Variants in WDFY3 observed in about 807,000 individuals in gnomAD.
WDFY3 encodes WD repeat and FYVE domain containing 3, also known as WD repeat and FYVE domain-containing protein 3.
In WDFY3, 66 loss-of-function variants were observed where a neutral mutation model predicts 409.6. The observed-to-expected ratio is 0.16, with a 90% confidence interval of 0.13 to 0.20. The LOEUF (loss-of-function observed/expected upper bound fraction) is 0.20, where lower values mean the gene tolerates loss of function less well. Ranked by LOEUF, WDFY3 falls within the 10% of genes least tolerant of loss-of-function variation. WDFY3 has a pLI of 1.00. For missense variants in WDFY3, 3,031 were observed against 4,298.1 expected (o/e 0.71, Z 8.24); for synonymous variants, 1,521 against 1,537.1 (o/e 0.99, Z 0.25).
intron 2 of WDFY3, among the ~76,000 whole-genome samples, chr4:84,906,513 T>TA (rs1303187692): frequency 2.6e-5 from 4 of 152,154 alleles, no homozygotes; most frequent in African/African-American, 7.2e-5. Context: ...AGCATATTCT[T>TA]AAAAAAATTT....
chr4:84,870,571 A>G (rs1762009133), intron 3 of WDFY3, among the ~76,000 whole-genome samples: 1 of 152,122 alleles, frequency 6.6e-6, no homozygotes, highest in South Asian at 2.1e-4. Context: ...CAAGCAGAGA[A>G]GGGGAAGAGT....
intron 41 of WDFY3, 50 bp downstream of exon 41, chr4:84,737,133 TA>T (rs1737580760): frequency 6.2e-7 from 1 of 1,602,768 alleles, no homozygotes; most frequent in Admixed American, 1.7e-5. Flanking sequence ...TATACCCATA[TA>T]TGATAGCCAC....
rs776521865 is a variant in WDFY3, at chr4:84,793,483, T to C, written c.3487+1036A>G. On this transcript the variant is annotated intron_variant, in intron 21 of 67. Transcript: ENST00000295888. ...ATAAAAAGACTTAAAGCAATACTAG[T>C]TCATTATTTTTTCCCATGAAGAGCT... 2.0e-5 allele frequency among the ~76,000 whole-genome samples: 3 copies of C among 152,226 alleles called. No homozygotes were observed. The East Asian group carries it at 5.8e-4, about 29-fold the overall frequency.
intron 40 of WDFY3, among the ~76,000 whole-genome samples, chr4:84,738,313 G>A (rs909685645): frequency 6.6e-6 from 1 of 151,892 alleles, no homozygotes; most frequent in African/African-American, 2.4e-5. Context: ...AAAAAAGAGA[G>A]GGGCTGGGCA....
intron 32 of WDFY3, among the ~76,000 whole-genome samples, chr4:84,759,354 G>A (rs1283486565): frequency 6.6e-6 from 1 of 152,174 alleles, no homozygotes; most frequent in Non-Finnish European, 1.5e-5. Context: ...GCCATTGGTA[G>A]CTTGATGGGG....
At chr4:84,681,688 C>T (rs1727375597) in intron 64 of WDFY3, among the ~76,000 whole-genome samples, 1 of 152,072 alleles carries the variant, frequency 6.6e-6, no homozygotes, top group African/African-American at 2.4e-5. Flanking sequence ...AACCTTGTTC[C>T]TTTCCAGGAA....
intron 10 of WDFY3, 93 bp from the exon 11 acceptor site, chr4:84,821,644 T>C (rs1172699933): frequency 9.4e-7 from 1 of 1,069,358 alleles, no homozygotes. Context: ...AATTATAACA[T>C]TTATCAATTA....
In WDFY3 at chr4:84,672,771, T is replaced by A; in HGVS notation, c.*97A>T. On this transcript the variant is annotated 3_prime_UTR_variant, in exon 68 of 68. Transcript: ENST00000295888. ...ACTTCAAACACGTGGTATGAAGAGA[T>A]GTGTAAACGGAGACTGTTTTCAATG... 1.3e-6 allele frequency: 2 copies of A among 1,501,196 alleles called. No individual in the cohort carries two copies. 93.0% of individuals were successfully genotyped at this position (1,501,196 alleles called of 1,614,324 possible). A position where few individuals can be genotyped will look rare whatever the true frequency, so the allele number is the denominator to read the frequency against.
intron 2 of WDFY3, among the ~76,000 whole-genome samples, chr4:84,906,914 T>C (rs929180361): frequency 4.6e-5 from 7 of 152,180 alleles, no homozygotes; most frequent in Admixed American, 1.3e-4. Context: ...AGATTACTTA[T>C]AATACCTAAC....
chr4:84,898,578 G>T (rs1475221773), intron 2 of WDFY3, among the ~76,000 whole-genome samples: 3 of 152,186 alleles, frequency 2.0e-5, no homozygotes, highest in African/African-American at 7.2e-5. Context: ...CCCTGATGTT[G>T]TTATGGTCCT....
chr4:84,770,941 CTT>C (rs921667156), intron 30 of WDFY3, among the ~76,000 whole-genome samples: 21 of 152,256 alleles, frequency 1.4e-4, no homozygotes, highest in African/African-American at 4.8e-4. Flanking sequence ...TTGCTTCTGA[CTT>C]TATTATTTCA....
At chr4:84,909,610 T>A (rs1266407325) in intron 2 of WDFY3, among the ~76,000 whole-genome samples, 1 of 152,120 alleles carries the variant, frequency 6.6e-6, no homozygotes, top group African/African-American at 2.4e-5. Context: ...GCCAGCTCTT[T>A]AGTAAAAATT....
chr4:84,791,455 GA>G (rs1384684461), intron 21 of WDFY3, among the ~76,000 whole-genome samples: 1 of 151,800 alleles, frequency 6.6e-6, no homozygotes, highest in Non-Finnish European at 1.5e-5. Context: ...GAGGCAAGAG[GA>G]AAAAAAGCTT....
intron 4 of WDFY3, among the ~76,000 whole-genome samples, chr4:84,856,604 C>A (rs1214648072): frequency 2.6e-5 from 4 of 152,096 alleles, no homozygotes; most frequent in Admixed American, 6.6e-5. Flanking sequence ...CAACAGGAGG[C>A]ATTTCAAGAA....
chr4:84,830,241 T>C (rs1755503745), intron 8 of WDFY3, among the ~76,000 whole-genome samples: 1 of 152,206 alleles, frequency 6.6e-6, no homozygotes, highest in Non-Finnish European at 1.5e-5. Flanking sequence ...ACTTAAGATG[T>C]TTCTACTTTA....
rs113121230 is a variant in WDFY3, at chr4:84,803,159, T to A, written c.2607+131A>T. 2.8e-5 allele frequency: 29 copies of A among 1,050,526 alleles called. No individual in the cohort carries two copies. The African/African-American group carries it at 3.6e-4, about 13-fold the overall frequency. 65.1% of individuals were successfully genotyped at this position (1,050,526 alleles called of 1,614,324 possible). A position where few individuals can be genotyped will look rare whatever the true frequency, so the allele number is the denominator to read the frequency against. The stretch of plus-strand genomic sequence containing the variant: ...GTAACACTCAAATAAAAAAATCCTT[T>A]TTTTTCCCCTTCAGCTACTTTAGTA... On this transcript the variant is annotated intron_variant, in intron 16 of 67. Transcript: ENST00000295888.
At chr4:84,764,262 T>G (rs1303833672) in intron 32 of WDFY3, among the ~76,000 whole-genome samples, 1 of 152,208 alleles carries the variant, frequency 6.6e-6, no homozygotes, top group Non-Finnish European at 1.5e-5. Flanking sequence ...GTGCCTTTCG[T>G]TATTTATTCT....
rs140115826 is a variant in WDFY3 at position 84,699,875 on chromosome 4, C to T, written c.8596+2478G>A. Among the ~76,000 whole-genome samples, 657 of 151,770 alleles carry T rather than the reference C, an allele frequency of 4.3e-3. 2 individuals carry two copies. Among genetic ancestry groups the T allele is most frequent in the Non-Finnish European group, 7.0e-3 (474 of 67,944 alleles). On this transcript the variant is annotated intron_variant, in intron 56 of 67. Transcript: ENST00000295888. The stretch of plus-strand genomic sequence containing the variant: ...TAACTTATTTGGGAAATTGTCTATT[C>T]AAGCCCTTTGCCCATTTTCCAACTG...
At chr4:84,873,780 TTTTG>T (rs1013626688) in intron 3 of WDFY3, among the ~76,000 whole-genome samples, 36 of 151,194 alleles carry the variant, frequency 2.4e-4, no homozygotes, top group African/African-American at 5.6e-4. Flanking sequence ...TGTGTTTTTT[TTTTG>T]TTTGTTTGTT....
Sources: allele counts gnomAD v4.1 joint callset (sites outside exome capture counted in the v4.1 genomes callset), GRCh38; gene constraint gnomAD v4.1.1; transcripts MANE v1.5; gene names NCBI Gene and HGNC (gene_info 2026-07-23, HGNC 2026-07-21).